ANKS1B: variants seen among roughly 807,000 people sequenced by gnomAD.
The protein encoded by ANKS1B is ankyrin repeat and sterile alpha motif domain-containing protein 1B.
ANKS1B carries 36 observed loss-of-function variants against 148.3 expected under a neutral mutation model. That is an observed-to-expected ratio of 0.24 (90% CI 0.19 to 0.32). The LOEUF (loss-of-function observed/expected upper bound fraction) is 0.32, where lower values mean the gene tolerates loss of function less well. Ranked by LOEUF, ANKS1B falls within the 10% of genes least tolerant of loss-of-function variation. The pLI is 1.00. For synonymous variants in ANKS1B, 542 were observed against 560.8 expected (o/e 0.97, Z 0.47); for missense variants, 1,157 against 1,542.6 (o/e 0.75, Z 4.19).
At chr12:99,450,060 T>C (rs898403217) in intron 10 of ANKS1B, among the ~76,000 whole-genome samples, 2 of 152,072 alleles carry the variant, frequency 1.3e-5, no homozygotes, top group African/African-American at 2.4e-5. Context: ...GTAGTTCCAT[T>C]GTAAATCCAA....
intron 17 of ANKS1B, among the ~76,000 whole-genome samples, chr12:98,956,989 C>G (rs1433681596): frequency 6.6e-6 from 1 of 152,186 alleles, no homozygotes; most frequent in Non-Finnish European, 1.5e-5. Flanking sequence ...AAGCTCTTTA[C>G]TCTATCTCCT....
At chr12:99,447,278 A>T (rs1332793648) in intron 10 of ANKS1B, among the ~76,000 whole-genome samples, 1 of 152,032 alleles carries the variant, frequency 6.6e-6, no homozygotes, top group East Asian at 1.9e-4. Context: ...GAAGAATAAA[A>T]TTAGACCTTC....
chr12:98,744,949 T>G lies in ANKS1B; in HGVS notation c.*790A>C, dbSNP rs1028019439. 31 of 985,764 alleles carry G rather than the reference T, an allele frequency of 3.1e-5. No individual in the cohort carries two copies. Among genetic ancestry groups the G allele is most frequent in the Non-Finnish European group, 3.6e-5 (30 of 829,942 alleles). 61.1% of individuals were successfully genotyped at this position (985,764 alleles called of 1,614,324 possible). A position where few individuals can be genotyped will look rare whatever the true frequency, so the allele number is the denominator to read the frequency against. On this transcript the variant is annotated 3_prime_UTR_variant, in exon 27 of 27. Coordinates refer to ENST00000683438, the MANE Select transcript of ANKS1B (RefSeq NM_001352186.2). ...GAGCCAGTCCTCTTGGTAGTAGCAG[T>G]AGAAATTTAATTATTTGAAATGAAA...
chr12:99,625,968 A>T (rs533704325), intron 9 of ANKS1B, among the ~76,000 whole-genome samples: 1 of 152,142 alleles, frequency 6.6e-6, no homozygotes, highest in Non-Finnish European at 1.5e-5. Flanking sequence ...TCTGCCACAC[A>T]TCAGGCATCT....
In ANKS1B at chr12:99,115,324, A is replaced by T. The variant is rs570169120; in HGVS notation, c.2527-30301T>A. Among the ~76,000 whole-genome samples the T allele has an allele frequency of 2.0e-5, 3 of 152,336 alleles. No homozygotes were observed. In the East Asian group the frequency reaches 5.8e-4, roughly 29 times the overall value. On this transcript the variant is annotated intron_variant, in intron 15 of 26. Transcript: ENST00000683438. Reference sequence around the variant, plus strand: ...ACAAGATCATGTCTTTTGTGGGAACATGATGGAGCTGGAGGCCATTATCCT... The same window carrying T: ...ACAAGATCATGTCTTTTGTGGGAACTTGATGGAGCTGGAGGCCATTATCCT...
chr12:99,743,229 T>A (rs538797261), intron 8 of ANKS1B, among the ~76,000 whole-genome samples: 15 of 152,296 alleles, frequency 9.8e-5, no homozygotes, highest in African/African-American at 3.6e-4. Flanking sequence ...GGAAAGACTT[T>A]TGTCTCAAGC....
chr12:98,987,091 T>C (rs1486948464), intron 17 of ANKS1B, among the ~76,000 whole-genome samples: 1 of 152,002 alleles, frequency 6.6e-6, no homozygotes, highest in Non-Finnish European at 1.5e-5. Context: ...GGTATAAAAG[T>C]ATAGTAGAAT....
At chr12:99,580,819 C>A (rs1319511159) in intron 9 of ANKS1B, among the ~76,000 whole-genome samples, 1 of 152,084 alleles carries the variant, frequency 6.6e-6, no homozygotes, top group East Asian at 1.9e-4. Context: ...TTGATAATTA[C>A]CTGGTGTTTG....
intron 16 of ANKS1B, among the ~76,000 whole-genome samples, chr12:99,073,327 C>T (rs1232260527): frequency 6.6e-6 from 1 of 152,184 alleles, no homozygotes; most frequent in African/African-American, 2.4e-5. Flanking sequence ...CTAGATTAAT[C>T]CCATAAAAAT....
At chr12:99,175,991 T>G (rs1184253669) in intron 14 of ANKS1B, among the ~76,000 whole-genome samples, 1 of 152,076 alleles carries the variant, frequency 6.6e-6, no homozygotes, top group Admixed American at 6.6e-5. Flanking sequence ...GGATTACAGG[T>G]GCCCATCACC....
chr12:99,814,247 A>G (rs1429710873), intron 2 of ANKS1B, among the ~76,000 whole-genome samples: 1 of 151,638 alleles, frequency 6.6e-6, no homozygotes, highest in Admixed American at 6.6e-5. Context: ...GAAACACATG[A>G]CTGTACTTAG....
intron 6 of ANKS1B, among the ~76,000 whole-genome samples, chr12:99,776,605 T>C (rs2063671235): frequency 6.6e-6 from 1 of 152,216 alleles, no homozygotes; most frequent in Non-Finnish European, 1.5e-5. Context: ...AGTTCATCCC[T>C]GAAATAAAAC....
intron 23 of ANKS1B, 46 bp downstream of exon 23, chr12:98,782,080 C>CTA: frequency 1.3e-6 from 2 of 1,535,426 alleles, no homozygotes; most frequent in Non-Finnish European, 1.8e-6. Flanking sequence ...TCATTGCCCT[C>CTA]TATATATACT....
chr12:99,121,481 CT>C, intron 15 of ANKS1B, among the ~76,000 whole-genome samples: 1 of 151,908 alleles, frequency 6.6e-6, no homozygotes, highest in Non-Finnish European at 1.5e-5. Flanking sequence ...CACTCAAACA[CT>C]TTTGAGTATT....
intron 12 of ANKS1B, among the ~76,000 whole-genome samples, chr12:99,350,426 A>C (rs2091279512): frequency 6.6e-6 from 1 of 152,072 alleles, no homozygotes; most frequent in Non-Finnish European, 1.5e-5. Flanking sequence ...ATTAAAAACT[A>C]TGATGAAAAA....
intron 16 of ANKS1B, among the ~76,000 whole-genome samples, chr12:99,058,948 A>G (rs1325981994): frequency 6.6e-6 from 1 of 151,524 alleles, no homozygotes; most frequent in Non-Finnish European, 1.5e-5. Context: ...CGTGTTAGCC[A>G]GGATGGTCTC....
intron 2 of ANKS1B, among the ~76,000 whole-genome samples, chr12:99,813,323 AT>A (rs2068663744): frequency 6.6e-6 from 1 of 151,542 alleles, no homozygotes; most frequent in South Asian, 2.1e-4. Context: ...ATTTGGATGC[AT>A]TTAAGAAGCA....
intron 17 of ANKS1B, among the ~76,000 whole-genome samples, chr12:98,893,138 G>A (rs925740801): frequency 6.6e-6 from 1 of 152,150 alleles, no homozygotes; most frequent in African/African-American, 2.4e-5. Context: ...GCATGCATCT[G>A]TTTTAATTTC....
chr12:98,851,756 A>T (rs1229355235), intron 17 of ANKS1B, among the ~76,000 whole-genome samples: 1 of 151,922 alleles, frequency 6.6e-6, no homozygotes, highest in Non-Finnish European at 1.5e-5. Context: ...AAGGGAAAGG[A>T]TGCTCATGAC....
Sources: gnomAD v4.1 joint callset for allele counts (sites outside exome capture counted in the v4.1 genomes callset) on GRCh38, gnomAD v4.1.1 for gene constraint, MANE v1.5 for transcripts, NCBI Gene and HGNC (gene_info 2026-07-23, HGNC 2026-07-21) for gene names.